The following TSHZ3 variants were observed in gnomAD, a reference collection of about 807,000 sequenced individuals.
The protein encoded by TSHZ3 is teashirt homolog 3.
Under a neutral mutation model 64.5 loss-of-function variants are expected in TSHZ3, and 10 were observed. The observed-to-expected ratio is 0.16, with a 90% CI of 0.10 to 0.26. TSHZ3 has a LOEUF of 0.26. Ranked by LOEUF, TSHZ3 falls within the 10% of genes least tolerant of loss-of-function variation. TSHZ3 has a pLI of 1.00. For missense variants in TSHZ3, 1,242 were observed against 1,421.7 expected (o/e 0.87, Z 2.03); for synonymous variants, 608 against 593.1 (o/e 1.03, Z -0.36).
At chr19:31,264,708 T>C (rs1206312296) in intron 1 of TSHZ3, among the ~76,000 whole-genome samples, 1 of 139,654 alleles carries the variant, frequency 7.2e-6, no homozygotes, top group Non-Finnish European at 1.5e-5. Flanking sequence ...TTGTGGGTTT[T>C]TCTTTTTTTT....
chr19:31,265,714 A>C (rs1004453082), intron 1 of TSHZ3, among the ~76,000 whole-genome samples: 5 of 152,168 alleles, frequency 3.3e-5, no homozygotes, highest in African/African-American at 1.2e-4. Flanking sequence ...CTGGGCCTGA[A>C]AACAGGTGGG....
At chr19:31,325,932 C>T (rs940177789) in intron 1 of TSHZ3, among the ~76,000 whole-genome samples, 1 of 152,148 alleles carries the variant, frequency 6.6e-6, no homozygotes, top group African/African-American at 2.4e-5. Context: ...GATTTGCCAC[C>T]ATTTTATTAT....
intron 1 of TSHZ3, among the ~76,000 whole-genome samples, chr19:31,284,187 G>A (rs1976414238): frequency 6.6e-6 from 1 of 152,062 alleles, no homozygotes; most frequent in Admixed American, 6.5e-5. Flanking sequence ...GACAGCTGCT[G>A]CCTCATTTCA....
intron 1 of TSHZ3, among the ~76,000 whole-genome samples, chr19:31,331,083 C>G (rs1376557852): frequency 6.6e-6 from 1 of 152,116 alleles, no homozygotes; most frequent in Non-Finnish European, 1.5e-5. Flanking sequence ...AGGGATACCC[C>G]CTCCTTCCCT....
chr19:31,252,339 G>T (rs780741463), intron 1 of TSHZ3, among the ~76,000 whole-genome samples: 1 of 152,070 alleles, frequency 6.6e-6, no homozygotes, highest in African/African-American at 2.4e-5. Context: ...GCTCCCCCGT[G>T]TGTCTCTTGT....
chr19:31,210,555 A>T (rs1206236934), intron 4 of TSHZ3, among the ~76,000 whole-genome samples: 1 of 152,110 alleles, frequency 6.6e-6, no homozygotes, highest in Admixed American at 6.5e-5. Context: ...ACGTTTCATG[A>T]GTGTCTAGGG....
chr19:31,165,639 A>G (rs1393910057), intron 5 of TSHZ3, among the ~76,000 whole-genome samples: 5 of 152,128 alleles, frequency 3.3e-5, no homozygotes, highest in Admixed American at 3.3e-4. Flanking sequence ...TTCTGCACCA[A>G]AGGCTCTGCC....
chr19:31,184,764 G>A (rs945677521), intron 5 of TSHZ3, among the ~76,000 whole-genome samples: 2 of 152,284 alleles, frequency 1.3e-5, no homozygotes. Context: ...TGGTTTCCTC[G>A]ATGTGAATGA....
intron 1 of TSHZ3, among the ~76,000 whole-genome samples, chr19:31,312,532 T>C (rs537268668): frequency 2.6e-4 from 39 of 152,272 alleles, no homozygotes; most frequent in East Asian, 3.9e-4. Flanking sequence ...CCTAATGTCC[T>C]CTCTCTTCCT....
rs901050203 is a variant in TSHZ3 at position 31,184,255 on chromosome 19, T to G, written n.809+20701A>C. ...AAAAAGCTCTCTTTCTTGTCTTGTA[T>G]AGTTTTTATTAAAATCCAAAGCACC... On this transcript the variant is annotated intron_variant and non_coding_transcript_variant, in intron 5 of 6. Transcript: ENST00000651361. Among the ~76,000 whole-genome samples, 6 of 152,372 alleles carry G rather than the reference T, an allele frequency of 3.9e-5. No homozygotes were observed. The East Asian group carries it at 1.2e-3, about 29-fold the overall frequency.
At chr19:31,304,109 G>C (rs1976801081) in intron 1 of TSHZ3, among the ~76,000 whole-genome samples, 1 of 152,024 alleles carries the variant, frequency 6.6e-6, no homozygotes, top group Non-Finnish European at 1.5e-5. Context: ...TGAGTAGCTG[G>C]GATTACAGGC....
chr19:31,255,078 T>G (rs1975891834), intron 1 of TSHZ3, among the ~76,000 whole-genome samples: 1 of 152,152 alleles, frequency 6.6e-6, no homozygotes, highest in South Asian at 2.1e-4. Flanking sequence ...AGACAAAGAA[T>G]CAGCTTTTGG....
intron 5 of TSHZ3, among the ~76,000 whole-genome samples, chr19:31,201,145 C>T (rs1975079648): frequency 6.6e-6 from 1 of 152,130 alleles, no homozygotes; most frequent in Non-Finnish European, 1.5e-5. Context: ...AGTATCATTT[C>T]AAGACAGTAG....
chr19:31,289,144 T>TGCTCCACACA (rs1037104695), intron 1 of TSHZ3, among the ~76,000 whole-genome samples: 1 of 152,208 alleles, frequency 6.6e-6, no homozygotes, highest in Non-Finnish European at 1.5e-5. Context: ...ACAGGGGCTG[T>TGCTCCACACA]GCTCCACACA....
At chr19:31,236,743 C>T (rs971395533) in intron 3 of TSHZ3, among the ~76,000 whole-genome samples, 1 of 152,194 alleles carries the variant, frequency 6.6e-6, no homozygotes, top group Non-Finnish European at 1.5e-5. Flanking sequence ...GAAAAACCTT[C>T]TTGTCATTGA....
intron 4 of TSHZ3, among the ~76,000 whole-genome samples, chr19:31,208,452 T>G (rs569171129): frequency 2.0e-5 from 3 of 152,192 alleles, no homozygotes; most frequent in Non-Finnish European, 4.4e-5. Flanking sequence ...TGCAATGTAG[T>G]TCATGAAGAC....
At chr19:31,174,595 T>C (rs1974582438) in intron 5 of TSHZ3, among the ~76,000 whole-genome samples, 1 of 152,210 alleles carries the variant, frequency 6.6e-6, no homozygotes. Flanking sequence ...TGACTTTATC[T>C]TAGTTATTTA....
Position 31,278,129 on chromosome 19 carries a change from T to A in TSHZ3, c.1664A>T (p.Gln555Leu). Residue 555 changes from glutamine (Q) to leucine (L), a missense_variant, in exon 2 of 2, where the codon CAA (glutamine) becomes CTA (leucine). Gln to Leu is a moderately radical substitution (Grantham distance 113). Around this residue, in one of 4 missense-constraint regions of TSHZ3, gnomAD observed 550 missense variants for 545.1 expected, o/e 1.01. Coordinates refer to ENST00000240587, the MANE Select transcript of TSHZ3 (RefSeq NM_020856.4). This position sits in a 1 kb window ranked among gnomAD's most constrained non-coding sequence, Gnocchi z 4.7. The part of the protein sequence containing the change: ...GGYPSIHAAY[Q>L]LPNMMKLSLG... ...GGACAACTTCATCATGTTGGGAAGTTGGTAGGCGGCATGGATGCTGGGATA... is the reference window on the plus strand; with the variant it reads ...GGACAACTTCATCATGTTGGGAAGTAGGTAGGCGGCATGGATGCTGGGATA... 2.5e-6 allele frequency: 4 copies of A among 1,614,082 alleles called. No individual in the cohort carries two copies. The highest frequency in any genetic ancestry group is 3.4e-6 in the Non-Finnish European group (4 of 1,179,998).
chr19:31,333,038 C>T (rs1444562317), intron 1 of TSHZ3, among the ~76,000 whole-genome samples: 1 of 151,542 alleles, frequency 6.6e-6, no homozygotes, highest in Non-Finnish European at 1.5e-5. Flanking sequence ...CCAAGGAGGT[C>T]GAGGCTGCAG....
Sources: allele counts gnomAD v4.1 joint callset (sites outside exome capture counted in the v4.1 genomes callset), GRCh38; gene constraint gnomAD v4.1.1; regional missense constraint gnomAD v4.1.1; non-coding constraint Gnocchi (gnomAD v3.1); transcripts MANE v1.5; gene names NCBI Gene and HGNC (gene_info 2026-07-23, HGNC 2026-07-21).